Variants in MYO5C observed in about 807,000 individuals in gnomAD.
MYO5C encodes unconventional myosin-Vc.
MYO5C carries 194 observed loss-of-function variants against 235.7 expected under a neutral mutation model. The observed-to-expected ratio is 0.82, with a 90% confidence interval of 0.73 to 0.93. MYO5C has a LOEUF of 0.93. Ranked by LOEUF, MYO5C falls within the 40% of genes least tolerant of loss-of-function variation. MYO5C has a pLI of 0.00. For missense variants in MYO5C, 2,038 were observed against 2,127.2 expected, an observed-to-expected ratio of 0.96 and a Z score of 0.82; for synonymous variants, 707 against 754.8, an observed-to-expected ratio of 0.94 and a Z score of 1.04.
intron 26 of MYO5C, 52 bp from the exon 27 acceptor site, chr15:52,225,190 T>C (rs1183841251): frequency 1.3e-6 from 2 of 1,595,698 alleles, no homozygotes; most frequent in African/African-American, 2.7e-5. Context: ...TGATTTATCT[T>C]TTCCCATTCC....
chr15:52,278,899 T>G lies in MYO5C; in HGVS notation c.423A>C (p.Ala141=), dbSNP rs1016621816. ...GDMDPHIFAV[A]EEAYKQMARN... ...TGGCCATCTGCTTGTATGCCTCTTC[T>G]GCCACGGCAAATATGTGTGGGTCCA... is the stretch of plus-strand genomic sequence containing the variant. The change falls in exon 4 of 41, where the codon GCA becomes GCC. Residue 141 remains alanine, a synonymous_variant. Coordinates refer to ENST00000261839, the MANE Select transcript of MYO5C (RefSeq NM_018728.4). 1.9e-6 allele frequency: 3 copies of G among 1,614,120 alleles called. No individual in the cohort carries two copies. The highest frequency in any genetic ancestry group is 2.2e-5 in the East Asian group (1 of 44,888).
intron 24 of MYO5C, among the ~76,000 whole-genome samples, chr15:52,231,014 T>C (rs950364944): frequency 6.7e-6 from 1 of 149,066 alleles, no homozygotes; most frequent in East Asian, 2.0e-4. Flanking sequence ...TTTTAGTAGA[T>C]ACGGGGTTTC....
intron 11 of MYO5C, among the ~76,000 whole-genome samples, chr15:52,254,098 G>A (rs2036531987): frequency 6.6e-6 from 1 of 152,192 alleles, no homozygotes; most frequent in East Asian, 1.9e-4. Context: ...CCTCAAGCAG[G>A]TTAGAAATTA....
At chr15:52,206,898 C>T (rs751632471) in intron 36 of MYO5C, among the ~76,000 whole-genome samples, 1 of 152,160 alleles carries the variant, frequency 6.6e-6, no homozygotes, top group African/African-American at 2.4e-5. Flanking sequence ...TTTGCGAGGC[C>T]GAGGCAGGCG....
At chr15:52,240,001 A>C (rs551108278) in intron 20 of MYO5C, 122 bp from the exon 21 acceptor site, 4 of 1,006,820 alleles carry the variant, frequency 4.0e-6, no homozygotes. Context: ...GTCAACCTGC[A>C]CAGCCGTATT....
chr15:52,204,839 C>T (rs762123435), intron 38 of MYO5C, 26 bp downstream of exon 38: 16 of 1,608,104 alleles, frequency 9.9e-6, no homozygotes, highest in Middle Eastern at 1.6e-4. Context: ...GGCCTCTCCG[C>T]GTGAGCGGAG....
At chr15:52,244,944 C>T (rs2036306180) in intron 18 of MYO5C, among the ~76,000 whole-genome samples, 1 of 152,198 alleles carries the variant, frequency 6.6e-6, no homozygotes, top group African/African-American at 2.4e-5. Context: ...ATCCCCTTTG[C>T]TGGACCTTAT....
At position 52,271,843 on chromosome 15, in the gene MYO5C, G is replaced by T; in HGVS notation, c.752C>A (p.Ser251Ter). ...LLEKSRVVFQ[S>*]ENERNYHIFY... is the part of the protein sequence containing the mutation. ...AATGTGGTAATTTCGTTCATTTTCCGACTGTAAGATAAAGAAATGTCCTCA... is the reference window on the plus strand; with the variant it reads ...AATGTGGTAATTTCGTTCATTTTCCTACTGTAAGATAAAGAAATGTCCTCA... Residue 251 changes from serine (S) to a stop codon, truncating the protein, a stop_gained and splice_region_variant, in exon 7 of 41, where the codon TCG (serine) becomes TAG (stop). Coordinates refer to ENST00000261839, the MANE Select transcript of MYO5C (RefSeq NM_018728.4). LOFTEE classifies it high-confidence loss of function. The T allele has an allele frequency of 1.9e-6, 3 of 1,581,968 alleles. No individual in the cohort carries two copies. The highest frequency in any genetic ancestry group is 2.3e-5 in the South Asian group (2 of 86,830).
At position 52,252,337 on chromosome 15, in the gene MYO5C, G is replaced by A. The variant is rs866860342; in HGVS notation, c.1537-822C>T. Among the ~76,000 whole-genome samples, 4 of 151,996 alleles carry A rather than the reference G, an allele frequency of 2.6e-5. No homozygotes were observed. The South Asian group carries it at 6.2e-4, about 24-fold the overall frequency. ...AGAGTCCTCCCCTTCCCCTGCCTCA[G>A]GAAAATAGTTTTTCTTATTTTACTT... On this transcript the variant is annotated intron_variant, in intron 12 of 40. Coordinates refer to ENST00000261839, the MANE Select transcript of MYO5C (RefSeq NM_018728.4).
chr15:52,217,234 T>C (rs947087176), intron 32 of MYO5C, among the ~76,000 whole-genome samples: 2 of 152,228 alleles, frequency 1.3e-5, no homozygotes, highest in Non-Finnish European at 2.9e-5. Flanking sequence ...GAAAGAGCTA[T>C]TGAAATGAGC....
intron 8 of MYO5C, among the ~76,000 whole-genome samples, chr15:52,266,615 C>T (rs1007815345): frequency 2.0e-5 from 3 of 152,114 alleles, no homozygotes; most frequent in African/African-American, 7.2e-5. Flanking sequence ...TAGTATTGTT[C>T]CCATCTCACA....
chr15:52,295,690 G>A lies in MYO5C; in HGVS notation c.-54C>T. On this transcript the variant is annotated 5_prime_UTR_variant, in exon 1 of 41. Coordinates refer to ENST00000261839, the MANE Select transcript of MYO5C (RefSeq NM_018728.4). ...GCTGCCGAACGTGCGAGGCTCGGGG[G>A]CTGGGCCTGCGCCGCAGAGGCCGGG... is the stretch of plus-strand genomic sequence containing the variant. The A allele has an allele frequency of 1.6e-6, 2 of 1,256,592 alleles. No homozygotes were observed. The highest frequency in any genetic ancestry group is 1.6e-5 in the African/African-American group (1 of 63,760). 77.8% of individuals were successfully genotyped at this position (1,256,592 alleles called of 1,614,324 possible).
chr15:52,228,518 T>G (rs1367367892), intron 25 of MYO5C, among the ~76,000 whole-genome samples: 1 of 152,224 alleles, frequency 6.6e-6, no homozygotes, highest in African/African-American at 2.4e-5. Flanking sequence ...TTATAAAAAT[T>G]TACTTAAAAA....
intron 20 of MYO5C, among the ~76,000 whole-genome samples, chr15:52,241,171 T>G (rs975794684): frequency 1.3e-5 from 2 of 152,096 alleles, no homozygotes; most frequent in African/African-American, 4.8e-5. Flanking sequence ...TTGAATTCGT[T>G]TCTTTGGAGT....
intron 33 of MYO5C, 63 bp downstream of exon 33, chr15:52,214,540 T>TA: frequency 8.3e-7 from 1 of 1,208,630 alleles, no homozygotes; most frequent in Non-Finnish European, 1.2e-6. Flanking sequence ...AGAAAGAAAA[T>TA]AAACACTTGA....
At chr15:52,260,760 T>C in intron 10 of MYO5C, 102 bp downstream of exon 10, 1 of 1,310,032 alleles carries the variant, frequency 7.6e-7, no homozygotes. Context: ...GTTATCTTTC[T>C]AATCATGTGA....
chr15:52,268,446 C>T (rs2036855873), intron 8 of MYO5C, among the ~76,000 whole-genome samples: 1 of 152,046 alleles, frequency 6.6e-6, no homozygotes, highest in South Asian at 2.1e-4. Context: ...GCTTGTAATC[C>T]CAGCTACTTG....
intron 21 of MYO5C, among the ~76,000 whole-genome samples, chr15:52,238,847 T>C (rs1310997948): frequency 1.3e-5 from 2 of 151,384 alleles, no homozygotes; most frequent in African/African-American, 4.9e-5. Context: ...TTCACCATGT[T>C]AGCCAGGATG....
intron 29 of MYO5C, among the ~76,000 whole-genome samples, chr15:52,222,447 G>A (rs549450918): frequency 3.3e-5 from 5 of 152,304 alleles, no homozygotes; most frequent in Non-Finnish European, 5.9e-5. Flanking sequence ...CCAGTGAGGC[G>A]GGACAAGAAT....
Sources: gnomAD v4.1 joint callset for allele counts (sites outside exome capture counted in the v4.1 genomes callset) on GRCh38, gnomAD v4.1.1 for gene constraint, MANE v1.5 for transcripts, NCBI Gene and HGNC (gene_info 2026-07-23, HGNC 2026-07-21) for gene names.